The following PIK3CB variants were observed in gnomAD, a reference collection of about 807,000 sequenced individuals.
The protein encoded by PIK3CB is phosphatidylinositol 4,5-bisphosphate 3-kinase catalytic subunit beta isoform.
A neutral mutation model predicts 136.8 loss-of-function variants in PIK3CB; 39 were observed. That is an observed-to-expected ratio of 0.29 (90% CI 0.22 to 0.37). The LOEUF (loss-of-function observed/expected upper bound fraction) is 0.37. Among genes scored for constraint, PIK3CB ranks in the 10% least tolerant of loss-of-function variants. The probability of loss-of-function intolerance (pLI) is 1.00; values close to 1 mark genes in which losing one functional copy is unlikely to be tolerated. For synonymous variants in PIK3CB, 428 were observed against 436.6 expected, an observed-to-expected ratio of 0.98 and a Z score of 0.25; for missense variants, 868 against 1,275.4, an observed-to-expected ratio of 0.68 and a Z score of 4.87.
chr3:138,813,331 TCA>T (rs1264873308), intron 1 of PIK3CB, among the ~76,000 whole-genome samples: 3 of 151,984 alleles, frequency 2.0e-5, no homozygotes, highest in Non-Finnish European at 2.9e-5. Context: ...CTAAAAAACC[TCA>T]GAGTCAAAGC....
At position 138,656,232 on chromosome 3, in the gene PIK3CB, C is replaced by A. The variant is rs756776194; in HGVS notation, c.2985G>T (p.Arg995=). The A allele has an allele frequency of 2.5e-6, 4 of 1,614,130 alleles. No homozygotes were observed. Among genetic ancestry groups the A allele is most frequent in the Non-Finnish European group, 3.4e-6 (4 of 1,180,000 alleles). The change falls in exon 23 of 24, where the codon CGG becomes CGT. Residue 995 remains arginine (R), a synonymous_variant. Transcript: ENST00000674063. The stretch of plus-strand genomic sequence containing the variant: ...AGAGAGTGATGAAGAGATTCCCATG[C>A]CGTCGTAAAATCAGATATGCATCCT... ...CCEDAYLILR[R]HGNLFITLFA...
chr3:138,740,500 G>C (rs950225733), intron 5 of PIK3CB, among the ~76,000 whole-genome samples: 9 of 152,126 alleles, frequency 5.9e-5, no homozygotes, highest in Non-Finnish European at 8.8e-5. Context: ...AAAGAACACA[G>C]GCTAGGATGC....
At chr3:138,702,144 T>C (rs991132258) in intron 12 of PIK3CB, among the ~76,000 whole-genome samples, 1 of 151,016 alleles carries the variant, frequency 6.6e-6, no homozygotes, top group African/African-American at 2.4e-5. Flanking sequence ...TCTTACTCTG[T>C]CATAACAGCC....
At chr3:138,791,259 C>T (rs1200591761) in intron 2 of PIK3CB, among the ~76,000 whole-genome samples, 2 of 151,958 alleles carry the variant, frequency 1.3e-5, no homozygotes, top group Admixed American at 6.6e-5. Flanking sequence ...CCTCTAGCCT[C>T]AGTCTCTCGA....
intron 1 of PIK3CB, among the ~76,000 whole-genome samples, chr3:138,808,455 T>A (rs1443946734): frequency 6.6e-6 from 1 of 151,678 alleles, no homozygotes; most frequent in African/African-American, 2.4e-5. Context: ...ACAAGGTGAG[T>A]TGTTCTACAA....
intron 22 of PIK3CB, 64 bp from the exon 23 acceptor site, chr3:138,656,338 G>A (rs2043191648): frequency 2.6e-6 from 4 of 1,538,000 alleles, no homozygotes; most frequent in Admixed American, 1.8e-5. Flanking sequence ...ATTTCATACA[G>A]GAAATTAAGA....
chr3:138,803,631 G>A (rs548013457), intron 1 of PIK3CB, among the ~76,000 whole-genome samples: 4 of 152,292 alleles, frequency 2.6e-5, no homozygotes, highest in African/African-American at 9.6e-5. Flanking sequence ...ATGAGGCTGG[G>A]GCAAGGTGTC....
intron 4 of PIK3CB, among the ~76,000 whole-genome samples, chr3:138,747,715 T>A (rs943197089): frequency 2.6e-5 from 4 of 152,232 alleles, no homozygotes; most frequent in Non-Finnish European, 5.9e-5. Context: ...CTTAACTTTT[T>A]AATTTTTTCA....
Position 138,755,943 on chromosome 3 carries a change from T to G in PIK3CB, c.208A>C (p.Asn70His), listed in dbSNP as rs1030113277. Residue 70 changes from asparagine to histidine, a missense_variant, in exon 4 of 24, where the codon AAC becomes CAC. Coordinates refer to ENST00000674063, the MANE Select transcript of PIK3CB (RefSeq NM_006219.3). The part of the protein sequence containing the change: ...WKQVHNYPMF[N>H]LLMDIDSYMF... ...TAGGAGTCAATATCCATAAGGAGGTTGAACATTGGGTAATTGTGAACTTGC... is the reference window on the plus strand; with the variant it reads ...TAGGAGTCAATATCCATAAGGAGGTGGAACATTGGGTAATTGTGAACTTGC... 1.9e-6 allele frequency: 3 copies of G among 1,610,378 alleles called. No homozygotes were observed. The East Asian group carries it at 6.7e-5, about 36-fold the overall frequency.
At chr3:138,669,330 C>A (rs2043481092) in intron 19 of PIK3CB, among the ~76,000 whole-genome samples, 1 of 143,940 alleles carries the variant, frequency 6.9e-6, no homozygotes, top group African/African-American at 2.6e-5. Flanking sequence ...ATCACCTGAG[C>A]CCAAGGAGTT....
At chr3:138,664,976 C>A in intron 20 of PIK3CB, 60 bp downstream of exon 20, 1 of 1,122,382 alleles carries the variant, frequency 8.9e-7, no homozygotes, top group Admixed American at 2.2e-5. Flanking sequence ...CTATTGGGAG[C>A]ATACAGTATT....
intron 2 of PIK3CB, among the ~76,000 whole-genome samples, chr3:138,763,371 T>G (rs1176023286): frequency 6.6e-6 from 1 of 152,098 alleles, no homozygotes; most frequent in African/African-American, 2.4e-5. Context: ...ACTCCTGACC[T>G]CATGATCCAC....
intron 1 of PIK3CB, among the ~76,000 whole-genome samples, chr3:138,801,635 C>A (rs2046177132): frequency 6.6e-6 from 1 of 151,814 alleles, no homozygotes; most frequent in Non-Finnish European, 1.5e-5. Flanking sequence ...CTTTGGGAGG[C>A]CGAGGCAGGT....
chr3:138,721,000 G>T (rs2044714271), intron 8 of PIK3CB, among the ~76,000 whole-genome samples: 1 of 152,250 alleles, frequency 6.6e-6, no homozygotes, highest in East Asian at 1.9e-4. Flanking sequence ...TAATAAGCCT[G>T]CAAACTACAA....
rs2045770772 is a variant in PIK3CB at position 138,769,210 on chromosome 3, G to C, written c.-16-9851C>G. On this transcript the variant is annotated intron_variant, in intron 2 of 23. Transcript: ENST00000674063. ...TGGCATGATGGCAGCAGCTGTTCTA[G>C]ACGGTCCACCGCTGCCATCACTACT... Among the ~76,000 whole-genome samples, 6 of 152,328 alleles carry C rather than the reference G, an allele frequency of 3.9e-5. No individual in the cohort carries two copies. In the South Asian group the frequency reaches 1.2e-3, roughly 32 times the overall value.
intron 8 of PIK3CB, among the ~76,000 whole-genome samples, chr3:138,731,645 T>C (rs1388049811): frequency 6.6e-6 from 1 of 151,962 alleles, no homozygotes; most frequent in Non-Finnish European, 1.5e-5. Flanking sequence ...GGATTACCAC[T>C]AAAATAGAAA....
At chr3:138,750,168 C>G (rs2045440986) in intron 4 of PIK3CB, among the ~76,000 whole-genome samples, 1 of 152,110 alleles carries the variant, frequency 6.6e-6, no homozygotes, top group African/African-American at 2.4e-5. Flanking sequence ...AATAAGCCCC[C>G]AAGCTCGGCC....
chr3:138,663,791 C>G, intron 21 of PIK3CB, 115 bp downstream of exon 21: 4 of 1,016,466 alleles, frequency 3.9e-6, no homozygotes, highest in Non-Finnish European at 4.4e-6. Flanking sequence ...GAAGTAAAGA[C>G]AAAGATATGA....
intron 3 of PIK3CB, among the ~76,000 whole-genome samples, chr3:138,756,809 A>G (rs2045576964): frequency 6.6e-6 from 1 of 152,218 alleles, no homozygotes; most frequent in African/African-American, 2.4e-5. Context: ...TCAAAATAGT[A>G]ACATTAAGAA....
Sources: gnomAD v4.1 joint callset for allele counts (sites outside exome capture counted in the v4.1 genomes callset) on GRCh38, gnomAD v4.1.1 for gene constraint, MANE v1.5 for transcripts, NCBI Gene and HGNC (gene_info 2026-07-23, HGNC 2026-07-21) for gene names.